Variants in ZFHX4 observed in about 807,000 individuals in gnomAD.
The protein encoded by ZFHX4 is zinc finger homeobox protein 4.
Under a neutral mutation model 267.6 loss-of-function variants are expected in ZFHX4, and 56 were observed. The ratio of observed to expected loss-of-function variants is 0.21; its 90% CI spans 0.17 to 0.26. The LOEUF is 0.26. Ranked by LOEUF, ZFHX4 falls within the 10% of genes least tolerant of loss-of-function variation. The pLI, the probability that ZFHX4 is intolerant of heterozygous loss-of-function variation, is 1.00. For synonymous variants in ZFHX4, 1,778 were observed against 1,665.6 expected (o/e 1.07, Z -1.64); for missense variants, 4,332 against 4,420.0 (o/e 0.98, Z 0.56).
intron 1 of ZFHX4, among the ~76,000 whole-genome samples, chr8:76,701,095 T>G (rs945728560): frequency 2.6e-5 from 4 of 152,136 alleles, no homozygotes; most frequent in Non-Finnish European, 5.9e-5. Context: ...AGCATCATAT[T>G]CAGTGTCACT....
chr8:76,706,656 A>G lies in ZFHX4; in HGVS notation c.2568A>G (p.Ala856=), dbSNP rs767941317. 12 of 1,593,524 alleles carry G rather than the reference A, an allele frequency of 7.5e-6. No individual in the cohort carries two copies. The highest frequency in any genetic ancestry group is 2.3e-5 in the South Asian group (2 of 86,870). Reference sequence around the variant, plus strand: ...CATTCCAGCTGGATCCAGCGACAGCAGCGGCTTTGGCACCAGGGCTCGGTT... The same window carrying G: ...CATTCCAGCTGGATCCAGCGACAGCGGCGGCTTTGGCACCAGGGCTCGGTT... ...INPFQLDPAT[A]AALAPGLVNN... is the part of the protein sequence containing the mutation. Residue 856 remains alanine, a synonymous_variant, in exon 2 of 11, where the codon GCA becomes GCG. Transcript: ENST00000651372.
chr8:76,832,430 G>A (rs369974412), intron 4 of ZFHX4, among the ~76,000 whole-genome samples: 7 of 152,052 alleles, frequency 4.6e-5, no homozygotes, highest in Non-Finnish European at 7.4e-5. Context: ...AAGTGATGGC[G>A]AAATGATTTG....
chr8:76,758,669 A>AT (rs1479156705), intron 3 of ZFHX4, among the ~76,000 whole-genome samples: 4 of 151,946 alleles, frequency 2.6e-5, no homozygotes, highest in African/African-American at 7.3e-5. Flanking sequence ...TAATTTTTGT[A>AT]TTTTTTGTAG....
intron 4 of ZFHX4, among the ~76,000 whole-genome samples, chr8:76,807,896 T>A (rs1811283416): frequency 6.6e-6 from 1 of 152,274 alleles, no homozygotes; most frequent in Admixed American, 6.5e-5. Context: ...ATCCATACTA[T>A]ATAATAGTTT....
At chr8:76,698,824 C>T (rs1307600950) in intron 1 of ZFHX4, among the ~76,000 whole-genome samples, 1 of 152,144 alleles carries the variant, frequency 6.6e-6, no homozygotes, top group Admixed American at 6.5e-5. Context: ...AACTTAATTA[C>T]CTTCTCCCCT....
chr8:76,861,400 A>T (rs1812863002), intron 10 of ZFHX4, among the ~76,000 whole-genome samples: 1 of 152,182 alleles, frequency 6.6e-6, no homozygotes, highest in African/African-American at 2.4e-5. Flanking sequence ...TAAAAATGGA[A>T]TGTTTAGCAG....
chr8:76,729,551 C>A lies in ZFHX4; in HGVS notation c.3093+21503C>A, dbSNP rs1263625207. Among the ~76,000 whole-genome samples the A allele has an allele frequency of 5.3e-5, 8 of 152,062 alleles. No individual in the cohort carries two copies. The East Asian group carries it at 5.8e-4, about 11-fold the overall frequency. On this transcript the variant is annotated intron_variant, in intron 3 of 10. Coordinates refer to ENST00000651372, the MANE Select transcript of ZFHX4 (RefSeq NM_024721.5). ...GTTCAATTTCAGTGACATATTATTC[C>A]AATTAATTGGAAAAGTACTCCCATG...
At position 76,851,810 on chromosome 8, in the gene ZFHX4, G is replaced by T. The variant is rs747787779; in HGVS notation, c.4889G>T (p.Gly1630Val). 3.7e-6 allele frequency: 6 copies of T among 1,613,984 alleles called. No homozygotes were observed. Among genetic ancestry groups the T allele is most frequent in the South Asian group, 1.1e-5 (1 of 91,090 alleles). ...AGGGCTGCAAAGCTGGAGCCCAGTG[G>T]TCATGTGGCTGGTGGGCACAGCATT... The part of the protein sequence containing the change: ...KARAAKLEPS[G>V]HVAGGHSIAA... Residue 1630 changes from glycine (G) to valine (V), a missense_variant, in exon 10 of 11, where the codon GGT becomes GTT. Physicochemically the swap from Gly to Val is moderately radical, Grantham distance 109 (BLOSUM62 -3). Transcript: ENST00000651372.
At chr8:76,762,057 A>AT (rs1809928066) in intron 3 of ZFHX4, among the ~76,000 whole-genome samples, 1 of 152,228 alleles carries the variant, frequency 6.6e-6, no homozygotes, top group African/African-American at 2.4e-5. Flanking sequence ...GACAGCCAGT[A>AT]GTTCAATGAA....
At position 76,849,257 on chromosome 8, in the gene ZFHX4, G is replaced by T; in HGVS notation, c.3645+129G>T. 2.7e-6 allele frequency: 3 copies of T among 1,099,966 alleles called. No homozygotes were observed. The East Asian group carries it at 7.8e-5, about 29-fold the overall frequency. The allele number at this position is 1,099,966 out of a possible 1,614,324, so 68.1% of individuals were successfully genotyped here. On this transcript the variant is annotated intron_variant, in intron 7 of 10. Transcript: ENST00000651372. ...ATTGCAATTGGCAATGTAACTCTTGGTATTACCTCTAATGTTCTAAAGTCA... is the reference window on the plus strand; with the variant it reads ...ATTGCAATTGGCAATGTAACTCTTGTTATTACCTCTAATGTTCTAAAGTCA...
chr8:76,725,951 T>G (rs1808841322), intron 3 of ZFHX4, among the ~76,000 whole-genome samples: 1 of 152,186 alleles, frequency 6.6e-6, no homozygotes. Flanking sequence ...AGATTTGTGT[T>G]GCTTGAGGAA....
At chr8:76,701,798 T>C (rs945183376) in intron 1 of ZFHX4, among the ~76,000 whole-genome samples, 1 of 152,046 alleles carries the variant, frequency 6.6e-6, no homozygotes, top group African/African-American at 2.4e-5. Context: ...CTAATTAAAG[T>C]GAATTTTTTT....
intron 1 of ZFHX4, among the ~76,000 whole-genome samples, chr8:76,685,691 A>G (rs1239593381): frequency 2.6e-5 from 4 of 152,224 alleles, no homozygotes; most frequent in African/African-American, 7.2e-5. Flanking sequence ...ATTTTCTTAA[A>G]GAGTATGCAT....
At chr8:76,691,600 C>T (rs1257931632) in intron 1 of ZFHX4, among the ~76,000 whole-genome samples, 1 of 152,072 alleles carries the variant, frequency 6.6e-6, no homozygotes, top group Admixed American at 6.6e-5. Flanking sequence ...TTAACACCTA[C>T]TACATTTGTT....
In ZFHX4 at chr8:76,863,568, G is replaced by C. The variant is rs371461387; in HGVS notation, c.9854G>C (p.Gly3285Ala). ...TPQLPGTVQG[G>A]YFPPVCGMES... ...CAGCTCCCTGGAACAGTGCAGGGGG[G>C]ATACTTCCCACCTGTCTGTGGCATG... is the stretch of plus-strand genomic sequence containing the variant. The change falls in exon 11 of 11, where the codon GGA becomes GCA. Residue 3285 changes from glycine (G) to alanine (A), a missense_variant. Physicochemically the swap from Gly to Ala is moderately conservative, Grantham distance 60. Transcript: ENST00000651372. 6.2e-7 allele frequency: 1 copy of C among 1,613,738 alleles called. No homozygotes were observed. Among genetic ancestry groups the C allele is most frequent in the Non-Finnish European group, 8.5e-7 (1 of 1,179,810 alleles).
chr8:76,864,597 T>TA lies in ZFHX4; in HGVS notation c.*38dup. On this transcript the variant is annotated 3_prime_UTR_variant, in exon 11 of 11. Coordinates refer to ENST00000651372, the MANE Select transcript of ZFHX4 (RefSeq NM_024721.5). Reference sequence around the variant, plus strand: ...AGACAGGATCCCGTGCTTAAAAAAATAAAAAATAAAAAAATAAAAAAAAAA... The same window carrying TA: ...AGACAGGATCCCGTGCTTAAAAAAATAAAAAAATAAAAAAATAAAAAAAAAA... 1 of 1,298,824 alleles carries TA rather than the reference T, an allele frequency of 7.7e-7. No homozygotes were observed. Among genetic ancestry groups the TA allele is most frequent in the Non-Finnish European group, 9.9e-7 (1 of 1,009,760 alleles). The allele number at this position is 1,298,824 out of a possible 1,614,324, so 80.5% of individuals were successfully genotyped here.
In ZFHX4 at chr8:76,854,499, T is replaced by A. The variant is rs1169330130; in HGVS notation, c.7578T>A (p.Ser2526=). The A allele has an allele frequency of 2.5e-6, 4 of 1,613,670 alleles. No homozygotes were observed. The highest frequency in any genetic ancestry group is 3.4e-6 in the Non-Finnish European group (4 of 1,179,832). Reference sequence around the variant, plus strand: ...CTGCTCAAAACCAATTCCTTCACTCTCCGTTCTTGGAAAGGCCCATGGACA... The same window carrying A: ...CTGCTCAAAACCAATTCCTTCACTCACCGTTCTTGGAAAGGCCCATGGACA... ...FLAAQNQFLH[S]PFLERPMDMP... is the part of the protein sequence containing the mutation. The change falls in exon 10 of 11, where the codon TCT becomes TCA. Residue 2526 remains serine (S), a synonymous_variant. Coordinates refer to ENST00000651372, the MANE Select transcript of ZFHX4 (RefSeq NM_024721.5).
At chr8:76,807,451 G>C (rs1811272848) in intron 4 of ZFHX4, among the ~76,000 whole-genome samples, 2 of 152,058 alleles carry the variant, frequency 1.3e-5, no homozygotes, top group Admixed American at 6.6e-5. Context: ...TCTCCTACCA[G>C]GAATTGCATG....
intron 1 of ZFHX4, among the ~76,000 whole-genome samples, chr8:76,694,156 C>A (rs942258970): frequency 7.2e-5 from 11 of 152,150 alleles, no homozygotes; most frequent in Non-Finnish European, 1.6e-4. Flanking sequence ...GTGTACATAA[C>A]AAGAACGATG....
Sources: allele counts gnomAD v4.1 joint callset (sites outside exome capture counted in the v4.1 genomes callset), GRCh38; gene constraint gnomAD v4.1.1; transcripts MANE v1.5; gene names NCBI Gene and HGNC (gene_info 2026-07-23, HGNC 2026-07-21).